Variants in RUNDC3B observed in about 807,000 individuals in gnomAD.
RUNDC3B encodes RUN domain-containing protein 3B.
Under a neutral mutation model 58.4 loss-of-function variants are expected in RUNDC3B, and 33 were observed. That is an observed-to-expected ratio of 0.56 (90% confidence interval 0.43 to 0.75). The LOEUF (loss-of-function observed/expected upper bound fraction) is 0.75. Ranked by LOEUF, RUNDC3B falls within the 30% of genes least tolerant of loss-of-function variation. The pLI, the probability that RUNDC3B is intolerant of heterozygous loss-of-function variation, is 0.00. For synonymous variants in RUNDC3B, 193 were observed against 195.2 expected, an observed-to-expected ratio of 0.99 and a Z score of 0.10; for missense variants, 501 against 535.7, an observed-to-expected ratio of 0.94 and a Z score of 0.64.
chr7:87,748,497 G>C (rs1832779135), intron 6 of RUNDC3B, among the ~76,000 whole-genome samples: 1 of 152,108 alleles, frequency 6.6e-6, no homozygotes, highest in Non-Finnish European at 1.5e-5. Flanking sequence ...CCTGCTTTCT[G>C]TCCTCCATGA....
At chr7:87,732,164 T>C (rs1260877313) in intron 4 of RUNDC3B, among the ~76,000 whole-genome samples, 1 of 151,966 alleles carries the variant, frequency 6.6e-6, no homozygotes, top group Non-Finnish European at 1.5e-5. Flanking sequence ...AAATAACTAG[T>C]GGGTCAGTGC....
At chr7:87,712,249 A>G (rs1292359620) in intron 4 of RUNDC3B, among the ~76,000 whole-genome samples, 1 of 152,116 alleles carries the variant, frequency 6.6e-6, no homozygotes, top group Non-Finnish European at 1.5e-5. Flanking sequence ...AAGCAACATG[A>G]CACTCGAGAT....
At chr7:87,635,148 T>A (rs1821632883) in intron 1 of RUNDC3B, among the ~76,000 whole-genome samples, 1 of 152,216 alleles carries the variant, frequency 6.6e-6, no homozygotes, top group South Asian at 2.1e-4. Context: ...CCCACTCTTC[T>A]ATTCCCTCTT....
At chr7:87,809,668 A>C (rs780901010) in intron 9 of RUNDC3B, among the ~76,000 whole-genome samples, 4 of 152,166 alleles carry the variant, frequency 2.6e-5, no homozygotes, top group Non-Finnish European at 4.4e-5. Flanking sequence ...TAACTTCTAA[A>C]CTTTCTGAAC....
At position 87,731,548 on chromosome 7, in the gene RUNDC3B, T is replaced by C. The variant is rs373575127; in HGVS notation, c.459-8243T>C. On this transcript the variant is annotated intron_variant, in intron 4 of 10. Coordinates refer to ENST00000394654, the MANE Select transcript of RUNDC3B (RefSeq NM_001134405.2). ...CATATTTCAGCTATAAAGACATACA[T>C]CCACTAAAAATAGAAGGATGGAAAA... Among the ~76,000 whole-genome samples, 37 of 152,028 alleles carry C rather than the reference T, an allele frequency of 2.4e-4. No individual in the cohort carries two copies. In the South Asian group the frequency reaches 7.3e-3, roughly 30 times the overall value.
intron 2 of RUNDC3B, among the ~76,000 whole-genome samples, chr7:87,677,268 G>A (rs369156512): frequency 5.0e-5 from 7 of 140,514 alleles, no homozygotes; most frequent in African/African-American, 1.9e-4. Context: ...AAACTACAGT[G>A]TATATAACAC....
intron 1 of RUNDC3B, among the ~76,000 whole-genome samples, chr7:87,649,612 C>T (rs1421175576): frequency 6.6e-6 from 1 of 152,122 alleles, no homozygotes; most frequent in Non-Finnish European, 1.5e-5. Context: ...AGACAAAGGA[C>T]ATTCTGATAA....
intron 2 of RUNDC3B, among the ~76,000 whole-genome samples, chr7:87,688,820 G>A (rs990631306): frequency 1.1e-4 from 16 of 151,692 alleles, no homozygotes; most frequent in African/African-American, 3.9e-4. Flanking sequence ...TAATTACTGT[G>A]TTTGTTATAG....
At chr7:87,635,933 C>T (rs1821721633) in intron 1 of RUNDC3B, among the ~76,000 whole-genome samples, 1 of 152,096 alleles carries the variant, frequency 6.6e-6, no homozygotes. Context: ...GTAGTTTGTT[C>T]ATTTTCATTG....
At chr7:87,757,784 G>A (rs1833453469) in intron 6 of RUNDC3B, among the ~76,000 whole-genome samples, 1 of 152,114 alleles carries the variant, frequency 6.6e-6, no homozygotes, top group African/African-American at 2.4e-5. Context: ...AACCAAAGCA[G>A]CATGACACCA....
chr7:87,747,692 G>A (rs2130824298), intron 6 of RUNDC3B, among the ~76,000 whole-genome samples: 1 of 152,224 alleles, frequency 6.6e-6, no homozygotes, highest in African/African-American at 2.4e-5. Context: ...AGATTCCCAG[G>A]TCACTGGAGT....
At chr7:87,717,885 A>G (rs1197250273) in intron 4 of RUNDC3B, among the ~76,000 whole-genome samples, 1 of 152,162 alleles carries the variant, frequency 6.6e-6, no homozygotes, top group Non-Finnish European at 1.5e-5. Context: ...TAATACAGTT[A>G]GAAAAGAAAA....
At chr7:87,819,565 C>T (rs889523777) in intron 10 of RUNDC3B, among the ~76,000 whole-genome samples, 4 of 150,666 alleles carry the variant, frequency 2.7e-5, no homozygotes, top group Admixed American at 1.3e-4. Flanking sequence ...ACTCTCCACC[C>T]CAAATCAACA....
chr7:87,715,010 G>A (rs964819351), intron 4 of RUNDC3B, among the ~76,000 whole-genome samples: 1 of 151,566 alleles, frequency 6.6e-6, no homozygotes, highest in African/African-American at 2.4e-5. Context: ...CAATAATTAG[G>A]AGCATTTCAT....
At chr7:87,673,520 G>A (rs919155757) in intron 2 of RUNDC3B, among the ~76,000 whole-genome samples, 33 of 152,170 alleles carry the variant, frequency 2.2e-4, no homozygotes, top group Admixed American at 1.2e-3. Context: ...TAATACTTGT[G>A]ATTATATTAT....
chr7:87,667,053 A>G (rs1033888128), intron 2 of RUNDC3B, among the ~76,000 whole-genome samples: 19 of 152,166 alleles, frequency 1.2e-4, no homozygotes, highest in African/African-American at 4.6e-4. Context: ...TGATAGGAAT[A>G]GCATTGAATC....
intron 2 of RUNDC3B, among the ~76,000 whole-genome samples, chr7:87,671,987 G>C (rs528204990): frequency 6.6e-6 from 1 of 152,176 alleles, no homozygotes; most frequent in Admixed American, 6.5e-5. Context: ...ACCCACTTAA[G>C]CAGTTTGGCC....
chr7:87,706,164 C>A lies in RUNDC3B; in HGVS notation c.373-4406C>A, dbSNP rs139961439. Among the ~76,000 whole-genome samples, 114 of 152,324 alleles carry A rather than the reference C, an allele frequency of 7.5e-4. 1 individual carries two copies. Among genetic ancestry groups the A allele is most frequent in the African/African-American group, 2.6e-3 (110 of 41,576 alleles). ...ATCAGCCATCCACATATCCATGCAT[C>A]TTTCCATCCAATAAATTTGCTGTGC... On this transcript the variant is annotated intron_variant, in intron 3 of 10. Coordinates refer to ENST00000394654, the MANE Select transcript of RUNDC3B (RefSeq NM_001134405.2).
rs936467679 is a variant in RUNDC3B, at chr7:87,830,105, T to G, written c.*75T>G. On this transcript the variant is annotated 3_prime_UTR_variant, in exon 11 of 11. Coordinates refer to ENST00000394654, the MANE Select transcript of RUNDC3B (RefSeq NM_001134405.2). The stretch of plus-strand genomic sequence containing the variant: ...ACATGTTTGACTGCTGGGAAGACCT[T>G]TGAAATTTTATATTGTTCTGGTACA... The G allele has an allele frequency of 1.1e-6, 1 of 923,250 alleles. No individual in the cohort carries two copies. The highest frequency in any genetic ancestry group is 1.7e-5 in the African/African-American group (1 of 58,382). 57.2% of individuals were successfully genotyped at this position (923,250 alleles called of 1,614,324 possible). A position where few individuals can be genotyped will look rare whatever the true frequency, so the allele number is the denominator to read the frequency against.
Sources: allele counts gnomAD v4.1 joint callset (sites outside exome capture counted in the v4.1 genomes callset), GRCh38; gene constraint gnomAD v4.1.1; transcripts MANE v1.5; gene names NCBI Gene and HGNC (gene_info 2026-07-23, HGNC 2026-07-21).